GJB3: variants seen among roughly 807,000 people sequenced by gnomAD.
GJB3 encodes gap junction protein beta 3, also known as gap junction beta-3 protein.
Under a neutral mutation model 8.1 loss-of-function variants are expected in GJB3, and 6 were observed. The ratio of observed to expected loss-of-function variants is 0.75; its 90% confidence interval spans 0.41 to 1.47. The LOEUF (loss-of-function observed/expected upper bound fraction) is 1.47. Ranked by LOEUF, GJB3 falls within the 40% of genes most tolerant of loss-of-function variation. GJB3 has a pLI of 0.02. For missense variants in GJB3, 348 were observed against 365.6 expected (o/e 0.95, Z 0.39); for synonymous variants, 137 against 156.4 (o/e 0.88, Z 0.93).
intron 1 of GJB3, among the ~76,000 whole-genome samples, chr1:34,784,297 T>A (rs1003976199): frequency 6.6e-6 from 1 of 152,218 alleles, no homozygotes; most frequent in Non-Finnish European, 1.5e-5. Flanking sequence ...TTCACAGTAA[T>A]GAGTAGCCAG....
At chr1:34,783,484 T>C (rs964036735) in intron 1 of GJB3, among the ~76,000 whole-genome samples, 2 of 152,202 alleles carry the variant, frequency 1.3e-5, no homozygotes, top group Admixed American at 1.3e-4. Context: ...TCTGGGGTTT[T>C]GCTAAGCCTA....
chr1:34,783,410 C>G (rs1640046699), intron 1 of GJB3, among the ~76,000 whole-genome samples: 1 of 152,138 alleles, frequency 6.6e-6, no homozygotes, highest in Non-Finnish European at 1.5e-5. Flanking sequence ...GCATTCCAGG[C>G]AGAAGGAATC....
chr1:34,784,707 C>T (rs1640069364), intron 1 of GJB3, 31 bp from the exon 2 acceptor site: 1 of 1,390,966 alleles, frequency 7.2e-7, no homozygotes, highest in African/African-American at 1.4e-5. Context: ...CCTATTCATT[C>T]ATACGATGGT....
chr1:34,784,570 T>C (rs913972276), intron 1 of GJB3, among the ~76,000 whole-genome samples, 168 bp from the exon 2 acceptor site: 4 of 152,240 alleles, frequency 2.6e-5, no homozygotes. Flanking sequence ...ATAACCTTGC[T>C]GTGCCTCAGT....
chr1:34,785,816 T>C lies in GJB3; in HGVS notation c.*241T>C, dbSNP rs1640106547. ...GACTTTGAAACAAGCGAATTAACTA[T>C]CTACGCTGCCTGCAAGGGGCCACTT... On this transcript the variant is annotated 3_prime_UTR_variant, in exon 2 of 2. Transcript: ENST00000373366. The surrounding 1 kb of genome is among the most constrained non-coding windows in gnomAD (Gnocchi z 4.7). 3.4e-6 allele frequency: 2 copies of C among 581,820 alleles called. No individual in the cohort carries two copies. The highest frequency in any genetic ancestry group is 3.1e-5 in the Admixed American group (1 of 32,178). The allele number at this position is 581,820 out of a possible 1,614,324, so 36.0% of individuals were successfully genotyped here.
Position 34,784,736 on chromosome 1 carries a change from A to G in GJB3, c.-25-2A>G, listed in dbSNP as rs748558748. ...CGATGGTTTTTCCTCTAATTCTCTC[A>G]GGTAGGCACGGCCCCCACCAGGCGC... On this transcript the variant is annotated splice_acceptor_variant, in intron 1 of 1. Coordinates refer to ENST00000373366, the MANE Select transcript of GJB3 (RefSeq NM_024009.3). LOFTEE classifies it low-confidence loss of function (5UTR_SPLICE). The G allele has an allele frequency of 6.3e-7, 1 of 1,593,628 alleles. No homozygotes were observed. Among genetic ancestry groups the G allele is most frequent in the South Asian group, 1.1e-5 (1 of 90,316 alleles).
In GJB3 at chr1:34,784,888, C is replaced by T. The variant is rs776320459; in HGVS notation, c.126C>T (p.Arg42=). The T allele has an allele frequency of 2.5e-6, 4 of 1,613,976 alleles. No homozygotes were observed. Among genetic ancestry groups the T allele is most frequent in the East Asian group, 2.2e-5 (1 of 44,888 alleles). The change falls in exon 2 of 2, where the codon CGC becomes CGT. Residue 42 remains arginine, a synonymous_variant. Transcript: ENST00000373366. Reference sequence around the variant, plus strand: ...TGGTATACGTGGTGGCTGCAGAGCGCGTGTGGGGGGATGAGCAGAAGGACT... The same window carrying T: ...TGGTATACGTGGTGGCTGCAGAGCGTGTGTGGGGGGATGAGCAGAAGGACT... ...RVLVYVVAAE[R]VWGDEQKDFD...
rs1200557050 is a variant in GJB3, at chr1:34,786,204, ACT to A, written c.*631_*632del. ...TGGAAGCCCTCTTTCCCCAAATCCT[ACT>A]CCCTCAGCCTCAGGCAGTGGTGCTC... On this transcript the variant is annotated 3_prime_UTR_variant, in exon 2 of 2. Transcript: ENST00000373366. This position sits in a 1 kb window ranked among gnomAD's most constrained non-coding sequence, Gnocchi z 4.4. 1 of 167,548 alleles carries A rather than the reference ACT, an allele frequency of 6.0e-6. No homozygotes were observed. The highest frequency in any genetic ancestry group is 2.4e-5 in the African/African-American group (1 of 41,252). 10.4% of individuals were successfully genotyped at this position (167,548 alleles called of 1,614,324 possible).
chr1:34,784,699 TATTC>T (rs1640069223), intron 1 of GJB3, 35 bp from the exon 2 acceptor site: 2 of 1,301,936 alleles, frequency 1.5e-6, no homozygotes, highest in African/African-American at 2.9e-5. Flanking sequence ...TAAAGTCACC[TATTC>T]ATTCATACGA....
Position 34,785,671 on chromosome 1 carries a change from C to A in GJB3, c.*96C>A, listed in dbSNP as rs933012421. The A allele has an allele frequency of 3.1e-6, 3 of 955,842 alleles. No individual in the cohort carries two copies. Among genetic ancestry groups the A allele is most frequent in the Non-Finnish European group, 4.9e-6 (3 of 614,014 alleles). The allele number at this position is 955,842 out of a possible 1,614,324, so 59.2% of individuals were successfully genotyped here. A position where few individuals can be genotyped will look rare whatever the true frequency, so the allele number is the denominator to read the frequency against. On this transcript the variant is annotated 3_prime_UTR_variant, in exon 2 of 2. Transcript: ENST00000373366. This position sits in a 1 kb window ranked among gnomAD's most constrained non-coding sequence, Gnocchi z 4.7. The stretch of plus-strand genomic sequence containing the variant: ...GTCCTACAGGGGCTGAGTGACCCCA[C>A]TCTGAGTTCACTAAGTTATGCAACT...
chr1:34,782,025 C>T (rs1640018948), intron 1 of GJB3, among the ~76,000 whole-genome samples: 1 of 152,200 alleles, frequency 6.6e-6, no homozygotes, highest in Non-Finnish European at 1.5e-5. Flanking sequence ...AGTCCGCAAG[C>T]TCCCAAGCTG....
In GJB3 at chr1:34,785,851, C is replaced by A; in HGVS notation, c.*276C>A. 2.0e-6 allele frequency: 1 copy of A among 511,904 alleles called. No individual in the cohort carries two copies. Among genetic ancestry groups the A allele is most frequent in the Non-Finnish European group, 3.6e-6 (1 of 274,366 alleles). 31.7% of individuals were successfully genotyped at this position (511,904 alleles called of 1,614,324 possible). A position where few individuals can be genotyped will look rare whatever the true frequency, so the allele number is the denominator to read the frequency against. Reference sequence around the variant, plus strand: ...CTGCAAGGGGCCACTTAGGGCACTGCTAGCAGGGCTTCAACCAGGAAGGGA... The same window carrying A: ...CTGCAAGGGGCCACTTAGGGCACTGATAGCAGGGCTTCAACCAGGAAGGGA... On this transcript the variant is annotated 3_prime_UTR_variant, in exon 2 of 2. Transcript: ENST00000373366. This position sits in a 1 kb window ranked among gnomAD's most constrained non-coding sequence, Gnocchi z 4.7.
chr1:34,783,024 CA>C (rs111369477), intron 1 of GJB3, among the ~76,000 whole-genome samples: 11 of 149,890 alleles, frequency 7.3e-5, no homozygotes, highest in African/African-American at 2.2e-4. Flanking sequence ...TTAATAAGAC[CA>C]AAAAAAAAGG....
Position 34,784,913 on chromosome 1 carries a change from T to G in GJB3, c.151T>G (p.Phe51Val), listed in dbSNP as rs764271826. 12 of 1,614,046 alleles carry G rather than the reference T, an allele frequency of 7.4e-6. No homozygotes were observed. The highest frequency in any genetic ancestry group is 8.5e-6 in the Non-Finnish European group (10 of 1,180,038). The change falls in exon 2 of 2, where the codon TTT becomes GTT. Residue 51 changes from phenylalanine (F) to valine (V), a missense_variant. By Grantham distance (50) the Phe-to-Val change is conservative. Coordinates refer to ENST00000373366, the MANE Select transcript of GJB3 (RefSeq NM_024009.3). ...CGTGTGGGGGGATGAGCAGAAGGAC[T>G]TTGACTGCAACACCAAGCAGCCCGG... ...ERVWGDEQKD[F>V]DCNTKQPGCT... is the part of the protein sequence containing the mutation.
intron 1 of GJB3, 63 bp from the exon 2 acceptor site, chr1:34,784,675 T>A (rs574971724): frequency 9.6e-7 from 1 of 1,041,214 alleles, no homozygotes; most frequent in East Asian, 2.6e-5. Context: ...GCCTGGTACA[T>A]AGTAAATGCT....
At position 34,783,592 on chromosome 1, in the gene GJB3, A is replaced by G. The variant is rs866111492; in HGVS notation, c.-25-1146A>G. ...AAGGTGAAAAGCCAGTAAAGAGGCC[A>G]TAATACAGGCCAGAATAATAGTGGT... is the stretch of plus-strand genomic sequence containing the variant. On this transcript the variant is annotated intron_variant, in intron 1 of 1. Coordinates refer to ENST00000373366, the MANE Select transcript of GJB3 (RefSeq NM_024009.3). 2.0e-5 allele frequency among the ~76,000 whole-genome samples: 3 copies of G among 152,360 alleles called. No homozygotes were observed. The Middle Eastern group carries it at 0.01, about 518-fold the overall frequency.
chr1:34,784,876 G>A lies in GJB3; in HGVS notation c.114G>A (p.Val38=), dbSNP rs772648734. ...TCTTCCGGGTGCTGGTATACGTGGT[G>A]GCTGCAGAGCGCGTGTGGGGGGATG... ...VFVFRVLVYV[V]AAERVWGDEQ... Residue 38 remains valine (V), a synonymous_variant, in exon 2 of 2, where the codon GTG becomes GTA. Transcript: ENST00000373366. 9 of 1,614,076 alleles carry A rather than the reference G, an allele frequency of 5.6e-6. No homozygotes were observed. In the African/African-American group the frequency reaches 1.2e-4, roughly 22 times the overall value.
In GJB3 at chr1:34,785,406, T is replaced by C; in HGVS notation, c.644T>C (p.Leu215Pro). 2 of 1,614,126 alleles carry C rather than the reference T, an allele frequency of 1.2e-6. No individual in the cohort carries two copies. The highest frequency in any genetic ancestry group is 8.5e-7 in the Non-Finnish European group (1 of 1,180,026). The change falls in exon 2 of 2, where the codon CTG (leucine) becomes CCG (proline). Residue 215 changes from leucine to proline, a missense_variant. By Grantham distance (98) the Leu-to-Pro change is moderately conservative. Coordinates refer to ENST00000373366, the MANE Select transcript of GJB3 (RefSeq NM_024009.3). This position sits in a 1 kb window ranked among gnomAD's most constrained non-coding sequence, Gnocchi z 4.7. Reference sequence around the variant, plus strand: ...TGCTACCTCATCTGCCACAGGGTCCTGCGAGGCCTGCACAAGGACAAGCCT... The same window carrying C: ...TGCTACCTCATCTGCCACAGGGTCCCGCGAGGCCTGCACAAGGACAAGCCT... ...ELCYLICHRV[L>P]RGLHKDKPRG...
chr1:34,783,784 G>T (rs899539537), intron 1 of GJB3, among the ~76,000 whole-genome samples: 1 of 152,024 alleles, frequency 6.6e-6, no homozygotes, highest in African/African-American at 2.4e-5. Flanking sequence ...AGACCCACCC[G>T]TCCACACCCT....
Sources: gnomAD v4.1 joint callset for allele counts (sites outside exome capture counted in the v4.1 genomes callset) on GRCh38, gnomAD v4.1.1 for gene constraint, Gnocchi (gnomAD v3.1) non-coding constraint, MANE v1.5 for transcripts, NCBI Gene and HGNC (gene_info 2026-07-23, HGNC 2026-07-21) for gene names.